The following FAN1 variants were observed in gnomAD, a reference collection of about 807,000 sequenced individuals.
FAN1 encodes the protein fanconi-associated nuclease 1.
In FAN1, 91 loss-of-function variants were observed where a neutral mutation model predicts 104.9. That is an observed-to-expected ratio of 0.87 (90% confidence interval 0.73 to 1.03). The LOEUF (loss-of-function observed/expected upper bound fraction) is 1.03. Ranked by LOEUF, FAN1 falls within the 50% of genes least tolerant of loss-of-function variation. FAN1 has a pLI of 0.00. For missense variants in FAN1, 1,263 were observed against 1,239.9 expected (o/e 1.02, Z -0.28); for synonymous variants, 478 against 457.6 (o/e 1.04, Z -0.57).
At chr15:30,932,735 A>G (rs1310746018) in intron 13 of FAN1, among the ~76,000 whole-genome samples, 2 of 131,684 alleles carry the variant, frequency 1.5e-5, no homozygotes, top group African/African-American at 2.9e-5. Flanking sequence ...TTTTTTTGAG[A>G]TGGAGTCTCG....
chr15:30,915,642 A>G (rs1341098990), intron 5 of FAN1, among the ~76,000 whole-genome samples: 2 of 152,172 alleles, frequency 1.3e-5, no homozygotes, highest in Admixed American at 6.5e-5. Flanking sequence ...TGGATATGCT[A>G]ATTACCCTAA....
chr15:30,938,430 A>G (rs1033674369), intron 14 of FAN1, among the ~76,000 whole-genome samples: 1 of 152,162 alleles, frequency 6.6e-6, no homozygotes, highest in African/African-American at 2.4e-5. Flanking sequence ...TTGGGCCCGG[A>G]TCATGAAAGG....
At chr15:30,918,067 C>G (rs2062231852) in intron 5 of FAN1, 97 bp from the exon 6 acceptor site, 13 of 1,262,114 alleles carry the variant, frequency 1.0e-5, no homozygotes, top group Non-Finnish European at 1.5e-5. Flanking sequence ...TTAAAAAACA[C>G]ACTTTTACCT....
chr15:30,929,592 TA>T (rs1486970738), intron 12 of FAN1, among the ~76,000 whole-genome samples, 195 bp downstream of exon 12: 6 of 125,200 alleles, frequency 4.8e-5, no homozygotes, highest in Admixed American at 9.1e-5. Flanking sequence ...TATTATATAT[TA>T]TATATTACAT....
At chr15:30,930,264 C>T (rs1414440924) in intron 12 of FAN1, among the ~76,000 whole-genome samples, 2 of 151,866 alleles carry the variant, frequency 1.3e-5, no homozygotes, top group African/African-American at 2.4e-5. Context: ...CTGAGTGCAT[C>T]CTCCACATCC....
At chr15:30,906,860 T>C (rs1414419595) in intron 2 of FAN1, among the ~76,000 whole-genome samples, 1 of 152,208 alleles carries the variant, frequency 6.6e-6, no homozygotes. Context: ...CATTGGCTTT[T>C]CTATCCAAAC....
Position 30,905,687 on chromosome 15 carries a change from C to T in FAN1, c.1024C>T (p.Gln342Ter). 1 of 1,614,112 alleles carries T rather than the reference C, an allele frequency of 6.2e-7. No homozygotes were observed. Among genetic ancestry groups the T allele is most frequent in the South Asian group, 1.1e-5 (1 of 91,080 alleles). ...AWSNIQEAPL[Q>*]DDSCLNNDIP... Reference sequence around the variant, plus strand: ...GAGTAACATCCAAGAGGCTCCTCTGCAGGATGACAGTTGCTTAAACAATGA... The same window carrying T: ...GAGTAACATCCAAGAGGCTCCTCTGTAGGATGACAGTTGCTTAAACAATGA... The change falls in exon 2 of 15, where the codon CAG becomes TAG. Residue 342 changes from glutamine (Q) to a stop codon, truncating the protein, a stop_gained. Coordinates refer to ENST00000362065, the MANE Select transcript of FAN1 (RefSeq NM_014967.5). LOFTEE classifies it high-confidence loss of function.
intron 13 of FAN1, among the ~76,000 whole-genome samples, chr15:30,931,746 G>C (rs998651488): frequency 2.0e-5 from 3 of 152,022 alleles, no homozygotes; most frequent in African/African-American, 7.2e-5. Context: ...ATGTGGGTCT[G>C]TTTCTATATA....
At position 30,904,598 on chromosome 15, in the gene FAN1, A is replaced by G; in HGVS notation, c.-66A>G. ...CAAGTCAAGAAAGTAAAAGTAAACCATTGCTATCTTTCACCTTAAATATCC... is the reference window on the plus strand; with the variant it reads ...CAAGTCAAGAAAGTAAAAGTAAACCGTTGCTATCTTTCACCTTAAATATCC... On this transcript the variant is annotated 5_prime_UTR_variant, in exon 2 of 15. Coordinates refer to ENST00000362065, the MANE Select transcript of FAN1 (RefSeq NM_014967.5). 6.7e-7 allele frequency: 1 copy of G among 1,487,778 alleles called. No individual in the cohort carries two copies. Among genetic ancestry groups the G allele is most frequent in the Non-Finnish European group, 9.3e-7 (1 of 1,070,510 alleles). The allele number at this position is 1,487,778 out of a possible 1,614,324, so 92.2% of individuals were successfully genotyped here.
chr15:30,904,376 G>T (rs892569227), intron 1 of FAN1, 136 bp from the exon 2 acceptor site: 1 of 521,878 alleles, frequency 1.9e-6, no homozygotes, highest in Non-Finnish European at 3.4e-6. Flanking sequence ...CTTGTCGGAG[G>T]GGCTTGGTCT....
At chr15:30,924,764 A>G (rs1005162273) in intron 8 of FAN1, among the ~76,000 whole-genome samples, 11 of 146,584 alleles carry the variant, frequency 7.5e-5, no homozygotes, top group African/African-American at 2.5e-4. Flanking sequence ...GGTGGGACAC[A>G]TGTTTTCCTA....
intron 4 of FAN1, among the ~76,000 whole-genome samples, chr15:30,913,200 T>C (rs1049274533): frequency 6.6e-6 from 1 of 152,112 alleles, no homozygotes; most frequent in East Asian, 1.9e-4. Context: ...CTCATAGGAG[T>C]GTGAACCCTA....
intron 13 of FAN1, among the ~76,000 whole-genome samples, chr15:30,934,785 T>C (rs1419063968): frequency 6.6e-6 from 1 of 152,224 alleles, no homozygotes; most frequent in African/African-American, 2.4e-5. Context: ...CTTAAACTTA[T>C]CCACCTTCAG....
chr15:30,935,459 AAAGT>A (rs369302186), intron 13 of FAN1, among the ~76,000 whole-genome samples: 298 of 152,326 alleles, frequency 2.0e-3, no homozygotes, highest in African/African-American at 6.8e-3. Context: ...AAAACAATAA[AAAGT>A]AACTACAACA....
At chr15:30,939,044 A>G (rs1030228849) in intron 14 of FAN1, 1 of 985,454 alleles carries the variant, frequency 1.0e-6, no homozygotes, top group Non-Finnish European at 1.2e-6. Context: ...CTTGAACTCA[A>G]GTCATCAATT....
intron 14 of FAN1, chr15:30,940,023 C>T: frequency 1.0e-6 from 1 of 975,464 alleles, no homozygotes; most frequent in South Asian, 4.7e-5. Flanking sequence ...CTATTCAGTA[C>T]ATATAAAGGT....
chr15:30,934,663 G>A (rs572084232), intron 13 of FAN1, among the ~76,000 whole-genome samples: 10 of 152,288 alleles, frequency 6.6e-5, no homozygotes, highest in Middle Eastern at 3.4e-3. Context: ...GCAGGCATGA[G>A]CCACAGTGCC....
chr15:30,938,931 GACA>G (rs2062946571), intron 14 of FAN1: 2 of 985,284 alleles, frequency 2.0e-6, no homozygotes, highest in Non-Finnish European at 2.4e-6. Context: ...ATTTCATACT[GACA>G]ACAACAAACA....
At chr15:30,933,683 C>A (rs1490244125) in intron 13 of FAN1, among the ~76,000 whole-genome samples, 1 of 151,112 alleles carries the variant, frequency 6.6e-6, no homozygotes, top group African/African-American at 2.4e-5. Context: ...TTACTGATTT[C>A]TTATTTACTT....
Sources: gnomAD v4.1 joint callset for allele counts (sites outside exome capture counted in the v4.1 genomes callset) on GRCh38, gnomAD v4.1.1 for gene constraint, MANE v1.5 for transcripts, NCBI Gene and HGNC (gene_info 2026-07-23, HGNC 2026-07-21) for gene names.